ZNF506: variants seen among roughly 807,000 people sequenced by gnomAD.
The protein encoded by ZNF506 is zinc finger protein 506.
A neutral mutation model predicts 11.6 loss-of-function variants in ZNF506; 10 were observed. The observed-to-expected ratio is 0.86, with a 90% CI of 0.53 to 1.46. The LOEUF (loss-of-function observed/expected upper bound fraction) is 1.46. Among genes scored for constraint, ZNF506 ranks in the 40% most tolerant of loss-of-function variants. ZNF506 has a pLI of 0.00. For missense variants in ZNF506, 425 were observed against 521.2 expected (o/e 0.82, Z 1.80); for synonymous variants, 156 against 173.3 (o/e 0.90, Z 0.78).
intron 1 of ZNF506, among the ~76,000 whole-genome samples, chr19:19,812,638 CT>C (rs1209984445): frequency 6.6e-6 from 1 of 152,158 alleles, no homozygotes; most frequent in Admixed American, 6.6e-5. Flanking sequence ...CAGAAAATGC[CT>C]TTTGTTAGTT....
At chr19:19,800,948 G>T (rs1232323385) in intron 3 of ZNF506, among the ~76,000 whole-genome samples, 1 of 151,820 alleles carries the variant, frequency 6.6e-6, no homozygotes, top group Non-Finnish European at 1.5e-5. Flanking sequence ...ATCACCTGAG[G>T]TCAGGAGTTT....
intron 1 of ZNF506, among the ~76,000 whole-genome samples, chr19:19,808,438 A>G (rs12980375): frequency 6.6e-6 from 1 of 151,420 alleles, no homozygotes; most frequent in Non-Finnish European, 1.5e-5. Context: ...TTAACCATTA[A>G]CTGCACTAGG....
chr19:19,802,223 A>G (rs1215228039), intron 3 of ZNF506, among the ~76,000 whole-genome samples: 1 of 151,694 alleles, frequency 6.6e-6, no homozygotes, highest in Non-Finnish European at 1.5e-5. Flanking sequence ...AAAAAAAAAA[A>G]ATTGTCTACG....
At chr19:19,812,874 A>G (rs1250957051) in intron 1 of ZNF506, among the ~76,000 whole-genome samples, 2 of 152,244 alleles carry the variant, frequency 1.3e-5, no homozygotes, top group African/African-American at 2.4e-5. Context: ...TACTCTCAGC[A>G]TGAGAAACAT....
intron 3 of ZNF506, 27 bp from the exon 4 acceptor site, chr19:19,795,687 C>T: frequency 6.8e-7 from 1 of 1,479,076 alleles, no homozygotes; most frequent in Non-Finnish European, 9.0e-7. Context: ...AAACACATGA[C>T]TTCAATTGCT....
At chr19:19,810,190 A>G (rs1397490010) in intron 1 of ZNF506, among the ~76,000 whole-genome samples, 1 of 152,226 alleles carries the variant, frequency 6.6e-6, no homozygotes, top group Non-Finnish European at 1.5e-5. Context: ...CATTATTAGC[A>G]TTAGTTACAG....
chr19:19,807,659 C>A (rs1281644900), intron 1 of ZNF506, among the ~76,000 whole-genome samples: 1 of 151,946 alleles, frequency 6.6e-6, no homozygotes, highest in African/African-American at 2.4e-5. Context: ...CATGCGCCAC[C>A]ATGCCCAGCT....
intron 3 of ZNF506, chr19:19,799,014 A>G (rs2062768898): frequency 6.5e-6 from 1 of 152,998 alleles, no homozygotes; most frequent in Admixed American, 6.5e-5. Flanking sequence ...ACAAAATGAG[A>G]GCAGAAGAGG....
chr19:19,816,420 C>T (rs1021079977), intron 1 of ZNF506, among the ~76,000 whole-genome samples: 8 of 152,104 alleles, frequency 5.3e-5, no homozygotes, highest in East Asian at 1.9e-4. Flanking sequence ...TGCAGTGGTG[C>T]GATCTCAGCT....
intron 1 of ZNF506, among the ~76,000 whole-genome samples, chr19:19,808,826 A>C (rs1008753775): frequency 7.1e-6 from 1 of 140,258 alleles, no homozygotes; most frequent in African/African-American, 2.7e-5. Context: ...CCTTGGTGAC[A>C]CAGCGAGACT....
rs539241617 is a variant in ZNF506, at chr19:19,805,708, T to C, written c.226+323A>G. 2.0e-5 allele frequency among the ~76,000 whole-genome samples: 3 copies of C among 152,288 alleles called. No individual in the cohort carries two copies. In the East Asian group the frequency reaches 5.8e-4, roughly 29 times the overall value. ...TCTCAAAATCATGCAGATACTTGTG[T>C]GTCCCCAAAACAATGGAAAAACAGC... On this transcript the variant is annotated intron_variant, in intron 3 of 3. Coordinates refer to ENST00000540806, the MANE Select transcript of ZNF506 (RefSeq NM_001099269.3).
intron 1 of ZNF506, among the ~76,000 whole-genome samples, chr19:19,817,467 C>T (rs999930047): frequency 5.3e-5 from 8 of 150,066 alleles, no homozygotes; most frequent in Non-Finnish European, 1.0e-4. Flanking sequence ...TAGAAAGTAC[C>T]TCAAAACAAT....
At chr19:19,806,202 A>G (rs2062834837) in intron 2 of ZNF506, 76 bp from the exon 3 acceptor site, 1 of 1,072,292 alleles carries the variant, frequency 9.3e-7, no homozygotes, top group Non-Finnish European at 1.3e-6. Flanking sequence ...CTCAGCAGAG[A>G]GGATGTGATA....
chr19:19,802,373 A>C (rs1224123265), intron 3 of ZNF506, among the ~76,000 whole-genome samples: 1 of 152,188 alleles, frequency 6.6e-6, no homozygotes, highest in Non-Finnish European at 1.5e-5. Context: ...ATTTTTAATA[A>C]ATAACCATTT....
At chr19:19,804,651 C>G (rs2062821237) in intron 3 of ZNF506, among the ~76,000 whole-genome samples, 1 of 152,212 alleles carries the variant, frequency 6.6e-6, no homozygotes, top group Admixed American at 6.5e-5. Context: ...TATTGCGGCA[C>G]TACTCACAAT....
rs183806901 is a variant in ZNF506 at position 19,800,485 on chromosome 19, C to T, written c.227-4825G>A. On this transcript the variant is annotated intron_variant, in intron 3 of 3. Coordinates refer to ENST00000540806, the MANE Select transcript of ZNF506 (RefSeq NM_001099269.3). ...AGGCCGGAGTACAGTGGCAAGATATCGGCTCACTGCAATCTCCGCCTCCCA... is the reference window on the plus strand; with the variant it reads ...AGGCCGGAGTACAGTGGCAAGATATTGGCTCACTGCAATCTCCGCCTCCCA... 1.4e-3 allele frequency among the ~76,000 whole-genome samples: 207 copies of T among 150,318 alleles called. 1 individual carries two copies. Among genetic ancestry groups the T allele is most frequent in the Non-Finnish European group, 2.3e-3 (155 of 67,754 alleles).
chr19:19,808,067 A>C (rs557813390), intron 1 of ZNF506, among the ~76,000 whole-genome samples: 42 of 150,074 alleles, frequency 2.8e-4, no homozygotes, highest in African/African-American at 9.3e-4. Context: ...TAGTGAAAAA[A>C]ATCTCTCAGG....
rs867367039 is a variant in ZNF506, at chr19:19,808,107, A to C, written c.4-1039T>G. Among the ~76,000 whole-genome samples, 272 of 55,012 alleles carry C rather than the reference A, an allele frequency of 4.9e-3. 1 individual carries two copies. Among genetic ancestry groups the C allele is most frequent in the African/African-American group, 0.017 (215 of 12,628 alleles). 36.1% of individuals were successfully genotyped at this position (55,012 alleles called of 152,430 possible). A position where few individuals can be genotyped will look rare whatever the true frequency, so the allele number is the denominator to read the frequency against. On this transcript the variant is annotated intron_variant, in intron 1 of 3. Coordinates refer to ENST00000540806, the MANE Select transcript of ZNF506 (RefSeq NM_001099269.3). ...TACTTAACCAAGTGAATCATTAACC[A>C]CTTTTTTTTTTTTTTTTTTTTTTTT...
At chr19:19,803,225 C>T (rs2062809330) in intron 3 of ZNF506, among the ~76,000 whole-genome samples, 1 of 152,338 alleles carries the variant, frequency 6.6e-6, no homozygotes, top group Middle Eastern at 3.4e-3. Context: ...CTCCCGGCCA[C>T]AGTCTGGCAG....
Sources: allele counts gnomAD v4.1 joint callset (sites outside exome capture counted in the v4.1 genomes callset), GRCh38; gene constraint gnomAD v4.1.1; transcripts MANE v1.5; gene names NCBI Gene and HGNC (gene_info 2026-07-23, HGNC 2026-07-21).